ENTPD3: variants seen among roughly 807,000 people sequenced by gnomAD.
ENTPD3 encodes the protein CD39 antigen-like 3.
A neutral mutation model predicts 51.2 loss-of-function variants in ENTPD3; 60 were observed. The observed-to-expected ratio is 1.17, with a 90% CI of 0.95 to 1.45. The LOEUF (loss-of-function observed/expected upper bound fraction) is 1.45, where lower values mean the gene tolerates loss of function less well. Among genes scored for constraint, ENTPD3 ranks in the 40% most tolerant of loss-of-function variants. ENTPD3 has a pLI of 0.00. For synonymous variants in ENTPD3, 221 were observed against 238.4 expected, an observed-to-expected ratio of 0.93 and a Z score of 0.67; for missense variants, 593 against 641.1, an observed-to-expected ratio of 0.93 and a Z score of 0.81.
At chr3:40,413,881 T>G (rs1392419035) in intron 5 of ENTPD3, among the ~76,000 whole-genome samples, 2 of 152,110 alleles carry the variant, frequency 1.3e-5, no homozygotes, top group Non-Finnish European at 2.9e-5. Context: ...CTGGGAAAAC[T>G]CTGAATTATT....
intron 3 of ENTPD3, among the ~76,000 whole-genome samples, chr3:40,399,866 A>C (rs1348602339): frequency 6.6e-6 from 1 of 152,164 alleles, no homozygotes; most frequent in Admixed American, 6.5e-5. Context: ...TCATTTGTTG[A>C]CATACACATT....
At chr3:40,399,241 A>G (rs185391988) in intron 3 of ENTPD3, among the ~76,000 whole-genome samples, 31 of 152,290 alleles carry the variant, frequency 2.0e-4, no homozygotes, top group Middle Eastern at 3.4e-3. Context: ...ATATTGTTAG[A>G]AAAGATACAA....
In ENTPD3 at chr3:40,387,215, G is replaced by A. The variant is rs146987102; in HGVS notation, c.-59G>A. ...ACCTCCTTAGCGCTGGCCGCGGGCC[G>A]CCTCTGCGGCAGCGCTAGTCGCCTT... On this transcript the variant is annotated 5_prime_UTR_variant, in exon 1 of 11. Coordinates refer to ENST00000301825, the MANE Select transcript of ENTPD3 (RefSeq NM_001248.4). 0.023 allele frequency: 3,573 copies of A among 152,456 alleles called. 70 individuals are homozygous for A. The highest frequency in any genetic ancestry group is 0.031 in the Non-Finnish European group (2,138 of 68,138). 9.4% of individuals were successfully genotyped at this position (152,456 alleles called of 1,614,324 possible).
chr3:40,427,303 G>A lies in ENTPD3; in HGVS notation c.1385G>A (p.Gly462Asp). Residue 462 changes from glycine to aspartate, a missense_variant, in exon 11 of 11, where the codon GGC (glycine) becomes GAC (aspartate). By Grantham distance (94) the Gly-to-Asp change is moderately conservative (BLOSUM62 -1). Coordinates refer to ENST00000301825, the MANE Select transcript of ENTPD3 (RefSeq NM_001248.4). ...AATAGCAGCATAGCCTGGTCTCTTG[G>A]CTACATGCTCAGCCTGACCAACCAG... ...VGNSSIAWSL[G>D]YMLSLTNQIP... 1 of 1,614,074 alleles carries A rather than the reference G, an allele frequency of 6.2e-7. No individual in the cohort carries two copies. The highest frequency in any genetic ancestry group is 8.5e-7 in the Non-Finnish European group (1 of 1,180,000).
At chr3:40,415,627 C>T (rs574847386) in intron 6 of ENTPD3, among the ~76,000 whole-genome samples, 1 of 152,284 alleles carries the variant, frequency 6.6e-6, no homozygotes, top group Non-Finnish European at 1.5e-5. Flanking sequence ...TACACCTAAT[C>T]TACTTCACTC....
chr3:40,393,054 C>A (rs566905853), intron 3 of ENTPD3, among the ~76,000 whole-genome samples: 1 of 151,056 alleles, frequency 6.6e-6, no homozygotes, highest in Non-Finnish European at 1.5e-5. Flanking sequence ...TAGTTCTCAA[C>A]AAGTCCATCC....
At chr3:40,427,231 A>T (rs758428962) in intron 10 of ENTPD3, 41 bp from the exon 11 acceptor site, 1 of 1,505,052 alleles carries the variant, frequency 6.6e-7, no homozygotes, top group Non-Finnish European at 9.2e-7. Flanking sequence ...TGCAGCCTTG[A>T]GCCTTGCCCT....
At chr3:40,397,495 G>GTATGA (rs142781279) in intron 3 of ENTPD3, among the ~76,000 whole-genome samples, 4,065 of 151,890 alleles carry the variant, frequency 0.027, 144 homozygotes, top group African/African-American at 0.085. Context: ...GTGTCGAATG[G>GTATGA]TATGATATGA....
chr3:40,422,760 T>C, intron 7 of ENTPD3, 90 bp from the exon 8 acceptor site: 2 of 1,130,018 alleles, frequency 1.8e-6, no homozygotes, highest in Non-Finnish European at 2.5e-6. Flanking sequence ...TCTATCACTA[T>C]TGGACATTTG....
At position 40,388,074 on chromosome 3, in the gene ENTPD3, C is replaced by T; in HGVS notation, c.17C>T (p.Thr6Ile). The T allele has an allele frequency of 1.9e-6, 3 of 1,614,122 alleles. No individual in the cohort carries two copies. The highest frequency in any genetic ancestry group is 2.5e-6 in the Non-Finnish European group (3 of 1,180,010). Reference sequence around the variant, plus strand: ...GGAGAAAAGATGTTCACTGTGCTGACCCGCCAACCATGTGAGCAAGCAGGT... The same window carrying T: ...GGAGAAAAGATGTTCACTGTGCTGATCCGCCAACCATGTGAGCAAGCAGGT... MFTVL[T>I]RQPCEQAGLK... Residue 6 changes from threonine to isoleucine, a missense_variant, in exon 2 of 11, where the codon ACC (threonine) becomes ATC (isoleucine). By Grantham distance (89) the Thr-to-Ile change is moderately conservative. Transcript: ENST00000301825.
chr3:40,403,137 C>T (rs1419843158), intron 4 of ENTPD3, among the ~76,000 whole-genome samples: 1 of 152,098 alleles, frequency 6.6e-6, no homozygotes, highest in African/African-American at 2.4e-5. Context: ...ACTTGGAAAG[C>T]AGAGTTAGTC....
intron 2 of ENTPD3, 131 bp from the exon 3 acceptor site, chr3:40,391,891 TG>T: frequency 2.0e-6 from 2 of 1,000,220 alleles, no homozygotes; most frequent in South Asian, 2.8e-5. Flanking sequence ...ATCTTAGAAG[TG>T]TGGGTCTCGC....
chr3:40,424,790 G>A (rs1352110530), intron 10 of ENTPD3: 1 of 701,878 alleles, frequency 1.4e-6, no homozygotes, highest in South Asian at 1.5e-5. Flanking sequence ...GAAGCCTGAA[G>A]GATGTCTGGA....
rs117151347 is a variant in ENTPD3, at chr3:40,389,764, T to C, written c.40+1667T>C. Among the ~76,000 whole-genome samples, 424 of 152,320 alleles carry C rather than the reference T, an allele frequency of 2.8e-3. 7 individuals carry two copies. Among genetic ancestry groups the C allele is most frequent in the Admixed American group, 5.1e-3 (78 of 15,294 alleles). ...GACTGCCCTCCTGTAGCAAATGTTG[T>C]GATGTGACTGAATTTGGGGGCTGAA... is the stretch of plus-strand genomic sequence containing the variant. On this transcript the variant is annotated intron_variant, in intron 2 of 10. Transcript: ENST00000301825.
intron 4 of ENTPD3, among the ~76,000 whole-genome samples, chr3:40,401,964 T>C (rs1955367706): frequency 6.6e-6 from 1 of 151,490 alleles, no homozygotes; most frequent in South Asian, 2.1e-4. Flanking sequence ...GTATGTAGTG[T>C]TTCTGTTTTT....
At chr3:40,417,748 C>T (rs539766781) in intron 7 of ENTPD3, among the ~76,000 whole-genome samples, 1 of 152,182 alleles carries the variant, frequency 6.6e-6, no homozygotes, top group Non-Finnish European at 1.5e-5. Flanking sequence ...AACCAACATG[C>T]TTCTTTCTTT....
At chr3:40,416,370 CA>C (rs1955748905) in intron 7 of ENTPD3, among the ~76,000 whole-genome samples, 1 of 152,092 alleles carries the variant, frequency 6.6e-6, no homozygotes, top group Non-Finnish European at 1.5e-5. Flanking sequence ...TTTATGGACA[CA>C]AACTGTTTTA....
intron 4 of ENTPD3, among the ~76,000 whole-genome samples, chr3:40,402,891 T>G (rs1308505095): frequency 1.3e-5 from 2 of 152,122 alleles, no homozygotes; most frequent in Non-Finnish European, 2.9e-5. Context: ...TTAGGGAGTG[T>G]GTATATGTGT....
intron 5 of ENTPD3, among the ~76,000 whole-genome samples, chr3:40,412,943 G>T (rs1381305623): frequency 6.6e-6 from 1 of 152,112 alleles, no homozygotes; most frequent in Non-Finnish European, 1.5e-5. Context: ...TTTCATTTAC[G>T]TGTAATAGAA....
Sources: gnomAD v4.1 joint callset for allele counts (sites outside exome capture counted in the v4.1 genomes callset) on GRCh38, gnomAD v4.1.1 for gene constraint, MANE v1.5 for transcripts, NCBI Gene and HGNC (gene_info 2026-07-23, HGNC 2026-07-21) for gene names.